The following GRIA2 variants were observed in gnomAD, a reference collection of about 807,000 sequenced individuals.
The protein encoded by GRIA2 is glutamate receptor 2.
A neutral mutation model predicts 97.3 loss-of-function variants in GRIA2; 14 were observed. That is an observed-to-expected ratio of 0.14 (90% CI 0.10 to 0.23). The LOEUF is 0.23. GRIA2 is among the 10% of genes least tolerant of loss of function. The pLI, the probability that GRIA2 is intolerant of heterozygous loss-of-function variation, is 1.00. For missense variants in GRIA2, 558 were observed against 1,069.8 expected (o/e 0.52, Z 6.67); for synonymous variants, 412 against 387.8 (o/e 1.06, Z -0.73).
Position 157,336,390 on chromosome 4 carries a change from C to T in GRIA2, c.1487C>T (p.Ala496Val). ...GELVYGKADI[A>V]IAPLTITLVR... ...TTTCCCTTACAGAAAGCTGATATTG[C>T]AATTGCTCCATTAACTATTACCCTT... The change falls in exon 11 of 16, where the codon GCA (alanine) becomes GTA (valine). Residue 496 changes from alanine to valine, a missense_variant. Physicochemically the swap from Ala to Val is moderately conservative, Grantham distance 64 (BLOSUM62 0). Around this residue, in one of 8 missense-constraint regions of GRIA2, gnomAD observed 41 missense variants for 102.2 expected, o/e 0.40. Transcript: ENST00000264426. 1 of 1,550,442 alleles carries T rather than the reference C, an allele frequency of 6.4e-7. No homozygotes were observed. The highest frequency in any genetic ancestry group is 8.7e-7 in the Non-Finnish European group (1 of 1,150,404).
intron 12 of GRIA2, among the ~76,000 whole-genome samples, chr4:157,349,911 G>A (rs1735931921): frequency 6.6e-6 from 1 of 151,980 alleles, no homozygotes; most frequent in African/African-American, 2.4e-5. Flanking sequence ...AATCTCTAAT[G>A]TCCGTATCAT....
chr4:157,267,781 T>C (rs1220608054), intron 2 of GRIA2, among the ~76,000 whole-genome samples: 1 of 152,152 alleles, frequency 6.6e-6, no homozygotes, highest in Non-Finnish European at 1.5e-5. Flanking sequence ...TTTTGAATTC[T>C]TCTTGACATG....
At chr4:157,251,279 C>T (rs1231181432) in intron 2 of GRIA2, among the ~76,000 whole-genome samples, 1 of 151,982 alleles carries the variant, frequency 6.6e-6, no homozygotes, top group Non-Finnish European at 1.5e-5. Context: ...TTCCCCACAT[C>T]CTATTACATA....
At chr4:157,228,529 A>C (rs890924110) in intron 2 of GRIA2, among the ~76,000 whole-genome samples, 4 of 152,188 alleles carry the variant, frequency 2.6e-5, no homozygotes, top group African/African-American at 9.6e-5. Context: ...TCAGTGGCTC[A>C]TGCCTGTAAT....
Position 157,360,982 on chromosome 4 carries a change from T to C in GRIA2, c.2292-28T>C, listed in dbSNP as rs1736607681. On this transcript the variant is annotated intron_variant, in intron 13 of 15. Coordinates refer to ENST00000264426, the MANE Select transcript of GRIA2 (RefSeq NM_001083619.3). ...AAAAGTCTAAAATTTGCTCACCCTG[T>C]CTGACAAGTATGTTTTATCGTTTCA... The C allele has an allele frequency of 4.0e-6, 6 of 1,517,852 alleles. No homozygotes were observed. The East Asian group carries it at 1.4e-4, about 34-fold the overall frequency. 94.0% of individuals were successfully genotyped at this position (1,517,852 alleles called of 1,614,324 possible). A position where few individuals can be genotyped will look rare whatever the true frequency, so the allele number is the denominator to read the frequency against.
chr4:157,345,341 G>C (rs1389027653), intron 12 of GRIA2, among the ~76,000 whole-genome samples: 5 of 151,872 alleles, frequency 3.3e-5, no homozygotes, highest in African/African-American at 1.2e-4. Flanking sequence ...ATTTTCTGCA[G>C]TTTTCTGTTT....
chr4:157,285,660 A>G (rs1032898304), intron 2 of GRIA2, among the ~76,000 whole-genome samples: 1 of 151,340 alleles, frequency 6.6e-6, no homozygotes, highest in African/African-American at 2.4e-5. Context: ...CAACTTTGCT[A>G]CAATGCTACC....
chr4:157,345,939 ACT>A (rs1388706381), intron 12 of GRIA2, among the ~76,000 whole-genome samples: 2 of 152,066 alleles, frequency 1.3e-5, no homozygotes, highest in African/African-American at 2.4e-5. Context: ...AAACCATGAG[ACT>A]CTACTATTAT....
In GRIA2 at chr4:157,363,053, A is replaced by G. The variant is rs185597690; in HGVS notation, c.*3+6A>G. The G allele has an allele frequency of 3.0e-5, 48 of 1,604,580 alleles. No individual in the cohort carries two copies. The East Asian group carries it at 3.6e-4, about 12-fold the overall frequency. On this transcript the variant is annotated splice_donor_region_variant and intron_variant, in intron 15 of 15. Coordinates refer to ENST00000264426, the MANE Select transcript of GRIA2 (RefSeq NM_001083619.3). ...AAAGTGTTAAAATTTAGGGGGTAGG[A>G]ACGAGGCTCTAATACAAACTTTTTA... is the stretch of plus-strand genomic sequence containing the variant.
intron 12 of GRIA2, among the ~76,000 whole-genome samples, chr4:157,358,227 A>G (rs537022208): frequency 3.9e-5 from 6 of 152,168 alleles, no homozygotes; most frequent in Non-Finnish European, 8.8e-5. Context: ...GAAAACACAA[A>G]CAAGCAGTTT....
intron 2 of GRIA2, among the ~76,000 whole-genome samples, chr4:157,242,643 A>C (rs550598096): frequency 2.0e-4 from 31 of 152,220 alleles, no homozygotes; most frequent in African/African-American, 7.0e-4. Context: ...TGTTCTAAAA[A>C]TTATTCTCTA....
intron 2 of GRIA2, among the ~76,000 whole-genome samples, chr4:157,261,055 T>G (rs1033777337): frequency 1.3e-5 from 2 of 152,112 alleles, no homozygotes; most frequent in African/African-American, 2.4e-5. Flanking sequence ...ATTCTCATGC[T>G]GCTCTAAAGG....
chr4:157,236,836 G>T (rs1318221854), intron 2 of GRIA2, among the ~76,000 whole-genome samples: 3 of 152,008 alleles, frequency 2.0e-5, no homozygotes, highest in African/African-American at 7.3e-5. Flanking sequence ...TGGGTTGTTG[G>T]TCTATTTATG....
At position 157,365,038 on chromosome 4, in the gene GRIA2, A is replaced by G. The variant is rs772539603; in HGVS notation, c.*1607A>G. On this transcript the variant is annotated 3_prime_UTR_variant, in exon 16 of 16. Transcript: ENST00000264426. ...GATTTTGAATGATTATTGACATCCA[A>G]TAGTTATTTTTAATATTTGTATTCT... 1 of 151,702 alleles carries G rather than the reference A, an allele frequency of 6.6e-6. No homozygotes were observed. Among genetic ancestry groups the G allele is most frequent in the Non-Finnish European group, 1.5e-5 (1 of 67,738 alleles). 9.4% of individuals were successfully genotyped at this position (151,702 alleles called of 1,614,324 possible).
At chr4:157,225,326 C>A (rs1729694199) in intron 2 of GRIA2, among the ~76,000 whole-genome samples, 1 of 151,874 alleles carries the variant, frequency 6.6e-6, no homozygotes, top group Non-Finnish European at 1.5e-5. Flanking sequence ...ATTTTTTCTC[C>A]ATCATTCCCT....
chr4:157,248,591 ATG>A (rs1491145579), intron 2 of GRIA2, among the ~76,000 whole-genome samples: 312 of 122,370 alleles, frequency 2.5e-3, no homozygotes, highest in Middle Eastern at 0.022. Context: ...ACGTGTATAT[ATG>A]TATATATATG....
Position 157,363,202 on chromosome 4 carries a change from C to T in GRIA2, c.*3+155C>T, listed in dbSNP as rs900247295. ...CCCAGTTGGTGACTAACCTGCAGCT[C>T]AACTGTCTATTTTCCTCTTTAATGG... is the stretch of plus-strand genomic sequence containing the variant. On this transcript the variant is annotated intron_variant, in intron 15 of 15. Coordinates refer to ENST00000264426, the MANE Select transcript of GRIA2 (RefSeq NM_001083619.3). 4 of 817,486 alleles carry T rather than the reference C, an allele frequency of 4.9e-6. No individual in the cohort carries two copies. The African/African-American group carries it at 5.1e-5, about 11-fold the overall frequency. 50.6% of individuals were successfully genotyped at this position (817,486 alleles called of 1,614,324 possible). A position where few individuals can be genotyped will look rare whatever the true frequency, so the allele number is the denominator to read the frequency against.
At chr4:157,247,669 C>T (rs942504681) in intron 2 of GRIA2, among the ~76,000 whole-genome samples, 6 of 152,040 alleles carry the variant, frequency 3.9e-5, no homozygotes, top group African/African-American at 1.4e-4. Context: ...CAGTACACTT[C>T]GACTTTTTGT....
chr4:157,226,073 T>C, intron 2 of GRIA2, among the ~76,000 whole-genome samples: 1 of 151,976 alleles, frequency 6.6e-6, no homozygotes, highest in East Asian at 1.9e-4. Flanking sequence ...CCCAGAACCT[T>C]CCCTTTCTAT....
Sources: allele counts gnomAD v4.1 joint callset (sites outside exome capture counted in the v4.1 genomes callset), GRCh38; gene constraint gnomAD v4.1.1; regional missense constraint gnomAD v4.1.1; transcripts MANE v1.5; gene names NCBI Gene and HGNC (gene_info 2026-07-23, HGNC 2026-07-21).